Variants in TNRC6B observed in about 807,000 individuals in gnomAD.
The protein encoded by TNRC6B is trinucleotide repeat-containing gene 6B protein.
A neutral mutation model predicts 203.6 loss-of-function variants in TNRC6B; 52 were observed. The ratio of observed to expected loss-of-function variants is 0.26; its 90% CI spans 0.20 to 0.32. The LOEUF (loss-of-function observed/expected upper bound fraction) is 0.32, where lower values mean the gene tolerates loss of function less well. Ranked by LOEUF, TNRC6B falls within the 10% of genes least tolerant of loss-of-function variation. TNRC6B has a pLI of 1.00. For missense variants in TNRC6B, 1,923 were observed against 2,286.2 expected (o/e 0.84, Z 3.24); for synonymous variants, 838 against 845.7 (o/e 0.99, Z 0.16).
At chr22:40,206,747 C>T (rs766882301) in intron 1 of TNRC6B, among the ~76,000 whole-genome samples, 13 of 152,084 alleles carry the variant, frequency 8.5e-5, no homozygotes, top group African/African-American at 9.7e-5. Context: ...TAGACAAGAC[C>T]GCCACGCGTA....
At chr22:40,206,982 A>G (rs1334810186) in intron 1 of TNRC6B, among the ~76,000 whole-genome samples, 1 of 152,108 alleles carries the variant, frequency 6.6e-6, no homozygotes, top group Non-Finnish European at 1.5e-5. Context: ...AAAGTCCAAA[A>G]TTACTCGACC....
rs373849265 is a variant in TNRC6B at position 40,267,009 on chromosome 22, A to C, written c.2779A>C (p.Thr927Pro). The C allele has an allele frequency of 6.2e-7, 1 of 1,603,574 alleles. No individual in the cohort carries two copies. Among genetic ancestry groups the C allele is most frequent in the Non-Finnish European group, 8.5e-7 (1 of 1,174,714 alleles). ...AGCACCTCGAGAACCAAACCTGCCCACCCCAATGACCAGTAAATCGGCATC... is the reference window on the plus strand; with the variant it reads ...AGCACCTCGAGAACCAAACCTGCCCCCCCCAATGACCAGTAAATCGGCATC... ...GPAPREPNLP[T>P]PMTSKSASVW... Residue 927 changes from threonine (T) to proline (P), a missense_variant, in exon 5 of 23, where the codon ACC becomes CCC. Thr to Pro is a conservative substitution (Grantham distance 38). Transcript: ENST00000454349.
chr22:40,224,758 C>T (rs1439750049), intron 1 of TNRC6B, among the ~76,000 whole-genome samples: 1 of 152,198 alleles, frequency 6.6e-6, no homozygotes, highest in African/African-American at 2.4e-5. Flanking sequence ...CGTTTAAATA[C>T]TTTATCCATC....
At chr22:40,105,926 G>A (rs1279178173) in intron 1 of TNRC6B, among the ~76,000 whole-genome samples, 2 of 152,100 alleles carry the variant, frequency 1.3e-5, no homozygotes, top group Admixed American at 6.5e-5. Context: ...TCCATAGCCC[G>A]AGCAACACTT....
chr22:40,241,468 C>T (rs1172818162), intron 1 of TNRC6B, among the ~76,000 whole-genome samples: 1 of 152,214 alleles, frequency 6.6e-6, no homozygotes, highest in African/African-American at 2.4e-5. Context: ...TTGACTGTCA[C>T]AGCCTTAAAA....
intron 12 of TNRC6B, among the ~76,000 whole-genome samples, chr22:40,288,168 G>A (rs764884742): frequency 2.7e-4 from 41 of 152,246 alleles, no homozygotes; most frequent in Non-Finnish European, 4.4e-4. Flanking sequence ...TTTGGAAAAG[G>A]TGTTTGCTTT....
intron 1 of TNRC6B, among the ~76,000 whole-genome samples, chr22:40,082,269 C>T (rs1447414156): frequency 2.0e-5 from 3 of 152,068 alleles, no homozygotes; most frequent in Non-Finnish European, 2.9e-5. Context: ...TCAGGGAGAA[C>T]TATTATAGAT....
At chr22:40,228,644 C>T (rs1169090258) in intron 1 of TNRC6B, among the ~76,000 whole-genome samples, 1 of 150,584 alleles carries the variant, frequency 6.6e-6, no homozygotes, top group African/African-American at 2.4e-5. Flanking sequence ...CTCAGCCTCC[C>T]GAGTAGCTGG....
intron 3 of TNRC6B, among the ~76,000 whole-genome samples, chr22:40,151,264 C>G (rs1485512468): frequency 6.6e-6 from 1 of 151,990 alleles, no homozygotes; most frequent in East Asian, 1.9e-4. Flanking sequence ...GAGTGAGACT[C>G]TGTCTCAAAA....
At position 40,281,272 on chromosome 22, in the gene TNRC6B, A is replaced by G; in HGVS notation, c.3565A>G (p.Asn1189Asp). 1 of 1,546,344 alleles carries G rather than the reference A, an allele frequency of 6.5e-7. No individual in the cohort carries two copies. Among genetic ancestry groups the G allele is most frequent in the Non-Finnish European group, 8.7e-7 (1 of 1,144,614 alleles). ...AATCGGCACAGGGCTCAACCCCCAA[A>G]ACTTCGCTGCTAGACAAGTAAGGAG... is the stretch of plus-strand genomic sequence containing the variant. Reference protein sequence around the residue: ...GAIGTGLNPQNFAARQGGSHG... With the variant: ...GAIGTGLNPQDFAARQGGSHG... The change falls in exon 11 of 23, where the codon AAC (asparagine) becomes GAC (aspartate). Residue 1189 changes from asparagine (N) to aspartate (D), a missense_variant. Coordinates refer to ENST00000454349, the MANE Select transcript of TNRC6B (RefSeq NM_001162501.2).
chr22:40,150,734 T>C (rs937853822), intron 3 of TNRC6B, among the ~76,000 whole-genome samples: 26 of 152,180 alleles, frequency 1.7e-4, no homozygotes, highest in African/African-American at 5.3e-4. Context: ...CCCAAATTCA[T>C]TCCCAGAACA....
intron 1 of TNRC6B, among the ~76,000 whole-genome samples, chr22:40,180,183 C>T (rs1569010150): frequency 1.3e-5 from 2 of 152,134 alleles, no homozygotes; most frequent in South Asian, 2.1e-4. Context: ...AAAGGAAAAT[C>T]AGCTCTGATT....
At chr22:40,075,156 A>ATATATATATATATATATATATATTTTT in intron 1 of TNRC6B, among the ~76,000 whole-genome samples, 1 of 35,552 alleles carries the variant, frequency 2.8e-5, no homozygotes, top group Non-Finnish European at 5.2e-5. Context: ...ATATATATAT[A>ATATATATATATATATATATATATTTTT]TTTTTTTTTT....
intron 3 of TNRC6B, among the ~76,000 whole-genome samples, chr22:40,137,947 C>T (rs2068613899): frequency 1.3e-5 from 2 of 150,546 alleles, no homozygotes; most frequent in South Asian, 4.2e-4. Context: ...CACACCACCA[C>T]ACTCCAGCCT....
At chr22:40,123,524 C>T (rs889058301) in intron 2 of TNRC6B, among the ~76,000 whole-genome samples, 1 of 152,196 alleles carries the variant, frequency 6.6e-6, no homozygotes, top group Non-Finnish European at 1.5e-5. Context: ...GTCAGTGCCT[C>T]CCACTGGCTT....
At position 40,285,729 on chromosome 22, in the gene TNRC6B, A is replaced by G. The variant is rs759781494; in HGVS notation, c.3667A>G (p.Ser1223Gly). The change falls in exon 12 of 23, where the codon AGT (serine) becomes GGT (glycine). Residue 1223 changes from serine (S) to glycine (G), a missense_variant. This residue lies in a region of TNRC6B where 242 missense variants were observed against 399.5 expected (regional missense o/e 0.61). Coordinates refer to ENST00000454349, the MANE Select transcript of TNRC6B (RefSeq NM_001162501.2). ...CGTGCAGCCACTAAATTCTTCTCCCAGTCTCCGGGCGCAAGTGCCTCCCCA... is the reference window on the plus strand; with the variant it reads ...CGTGCAGCCACTAAATTCTTCTCCCGGTCTCCGGGCGCAAGTGCCTCCCCA... ...TPVQPLNSSPSLRAQVPPQFI... is the reference protein window; with the variant it reads ...TPVQPLNSSPGLRAQVPPQFI... The G allele has an allele frequency of 6.2e-6, 10 of 1,614,018 alleles. No homozygotes were observed. In the East Asian group the frequency reaches 2.2e-4, roughly 36 times the overall value.
chr22:40,085,848 CTGTTGTTGTTGTTGTTGT>C (rs3044441), intron 1 of TNRC6B, among the ~76,000 whole-genome samples: 2 of 149,278 alleles, frequency 1.3e-5, no homozygotes, highest in East Asian at 3.9e-4. Context: ...TTTGTTGTTG[CTGTTGTTGTTGTTGTTGT>C]TGTTGTTGTT....
intron 1 of TNRC6B, among the ~76,000 whole-genome samples, chr22:40,219,668 G>C (rs529393148): frequency 1.3e-5 from 2 of 152,188 alleles, no homozygotes; most frequent in East Asian, 1.9e-4. Flanking sequence ...CCATGTCTTG[G>C]GTCTGTCTTT....
Position 40,315,324 on chromosome 22 carries a change from A to G in TNRC6B, c.4720A>G (p.Ile1574Val). ...DYKSTWSPDP[I>V]GHNPTHLSNK... Reference sequence around the variant, plus strand: ...CAAATCAACATGGTCCCCAGATCCCATAGGACACAACCCCACTCATCTCTC... The same window carrying G: ...CAAATCAACATGGTCCCCAGATCCCGTAGGACACAACCCCACTCATCTCTC... Residue 1574 changes from isoleucine to valine, a missense_variant, in exon 20 of 23, where the codon ATA becomes GTA. By Grantham distance (29) the Ile-to-Val change is conservative (BLOSUM62 3). Around this residue, in one of 8 missense-constraint regions of TNRC6B, gnomAD observed 159 missense variants for 181.0 expected, o/e 0.88. Transcript: ENST00000454349. 1 of 1,613,976 alleles carries G rather than the reference A, an allele frequency of 6.2e-7. No individual in the cohort carries two copies. Among genetic ancestry groups the G allele is most frequent in the Non-Finnish European group, 8.5e-7 (1 of 1,179,878 alleles).
Sources: gnomAD v4.1 joint callset for allele counts (sites outside exome capture counted in the v4.1 genomes callset) on GRCh38, gnomAD v4.1.1 for gene constraint, gnomAD v4.1.1 regional missense constraint, MANE v1.5 for transcripts, NCBI Gene and HGNC (gene_info 2026-07-23, HGNC 2026-07-21) for gene names.